RNF31: variants seen among roughly 807,000 people sequenced by gnomAD.
RNF31 encodes ring finger protein 31, also known as E3 ubiquitin-protein ligase RNF31.
RNF31 carries 38 observed loss-of-function variants against 133.6 expected under a neutral mutation model. The ratio of observed to expected loss-of-function variants is 0.28; its 90% CI spans 0.22 to 0.37. The LOEUF is 0.37. Among genes scored for constraint, RNF31 ranks in the 10% least tolerant of loss-of-function variants. RNF31 has a pLI of 1.00. For synonymous variants in RNF31, 582 were observed against 552.3 expected, an observed-to-expected ratio of 1.05 and a Z score of -0.75; for missense variants, 1,118 against 1,394.1, an observed-to-expected ratio of 0.80 and a Z score of 3.15.
chr14:24,151,614 C>T lies in RNF31; in HGVS notation c.1867C>T (p.Arg623Cys), dbSNP rs768324482. Reference protein sequence around the residue: ...QRQRLEPFRQRLWDSGPEPTP... With the variant: ...QRQRLEPFRQCLWDSGPEPTP... The stretch of plus-strand genomic sequence containing the variant: ...CCAACGCCTAGAGCCCTTCCGCCAG[C>T]GCCTCTGGGACAGTGGCCCTGAGCC... Residue 623 changes from arginine (R) to cysteine (C), a missense_variant, in exon 10 of 21, where the codon CGC becomes TGC. Transcript: ENST00000324103. The surrounding 1 kb of genome is among the most constrained non-coding windows in gnomAD (Gnocchi z 5.3). The T allele has an allele frequency of 6.8e-6, 11 of 1,613,436 alleles. No homozygotes were observed. Among genetic ancestry groups the T allele is most frequent in the African/African-American group, 4.0e-5 (3 of 74,940 alleles).
intron 6 of RNF31, 23 bp from the exon 7 acceptor site, chr14:24,150,037 GC>G (rs761731606): frequency 6.5e-7 from 1 of 1,534,418 alleles, no homozygotes; most frequent in Non-Finnish European, 8.8e-7. Flanking sequence ...ACTTCAGCAG[GC>G]CATGTCTGCT....
upstream of RNF31, chr14:24,147,431 C>G: frequency 5.9e-6 from 2 of 338,398 alleles, no homozygotes; most frequent in Non-Finnish European, 1.1e-5. Flanking sequence ...TTTCCTGACA[C>G]CGCTCCAACC....
Position 24,148,715 on chromosome 14 carries a change from G to A in RNF31, c.555+14G>A. 1.2e-6 allele frequency: 2 copies of A among 1,614,136 alleles called. No homozygotes were observed. Among genetic ancestry groups the A allele is most frequent in the Non-Finnish European group, 1.7e-6 (2 of 1,179,970 alleles). On this transcript the variant is annotated intron_variant, in intron 4 of 20. Transcript: ENST00000324103. Reference sequence around the variant, plus strand: ...GTTGAAGATGATGTAAGGAAGGCAGGAAAGGGGCTGGTGTACAAAGGAAAC... The same window carrying A: ...GTTGAAGATGATGTAAGGAAGGCAGAAAAGGGGCTGGTGTACAAAGGAAAC...
Position 24,151,270 on chromosome 14 carries a change from AC to A in RNF31, c.1631del (p.Pro544LeufsTer30). 1 of 1,614,128 alleles carries A rather than the reference AC, an allele frequency of 6.2e-7. No individual in the cohort carries two copies. Among genetic ancestry groups the A allele is most frequent in the Non-Finnish European group, 8.5e-7 (1 of 1,180,016 alleles). ...EMVAELAGQQ[D>X]PGLGAFSCQE... ...GTGGCTGAGCTGGCTGGACAGCAGG[AC>A]CCTGGGCTGGGTGCCTTTTCCTGTC... On this transcript the variant is annotated frameshift_variant, in exon 9 of 21. Transcript: ENST00000324103. LOFTEE classifies it high-confidence loss of function. The surrounding 1 kb of genome is among the most constrained non-coding windows in gnomAD (Gnocchi z 5.3).
Position 24,148,846 on chromosome 14 carries a change from C to T in RNF31, c.601C>T (p.Pro201Ser), listed in dbSNP as rs762978472. ...TGACCCCCTATTGAGAGAGATTGCT[C>T]CTGGCCCCCTCACCACACCCTCTGT... ...EFDPLLREIA[P>S]GPLTTPSVPG... Residue 201 changes from proline (P) to serine (S), a missense_variant, in exon 5 of 21, where the codon CCT (proline) becomes TCT (serine). By Grantham distance (74) the Pro-to-Ser change is moderately conservative. Around this residue, in one of 3 missense-constraint regions of RNF31, gnomAD observed 747 missense variants for 827.9 expected, o/e 0.90. Transcript: ENST00000324103. The T allele has an allele frequency of 1.2e-6, 2 of 1,614,076 alleles. No homozygotes were observed. Among genetic ancestry groups the T allele is most frequent in the Non-Finnish European group, 1.7e-6 (2 of 1,180,022 alleles).
At position 24,151,186 on chromosome 14, in the gene RNF31, C is replaced by T. The variant is rs188536177; in HGVS notation, c.1544C>T (p.Ser515Leu). 5.6e-6 allele frequency: 9 copies of T among 1,614,138 alleles called. No individual in the cohort carries two copies. The highest frequency in any genetic ancestry group is 1.1e-5 in the South Asian group (1 of 91,090). ...GAGATCTTCTCGGCTCTGCAGTACT[C>T]GGGCACTGAGGTGCCTCTGCAGTGG... Reference protein sequence around the residue: ...PEEIFSALQYSGTEVPLQWLR... With the variant: ...PEEIFSALQYLGTEVPLQWLR... The change falls in exon 9 of 21, where the codon TCG (serine) becomes TTG (leucine). Residue 515 changes from serine to leucine, a missense_variant. By Grantham distance (145) the Ser-to-Leu change is moderately radical. Transcript: ENST00000324103. The surrounding 1 kb of genome is among the most constrained non-coding windows in gnomAD (Gnocchi z 5.3).
Position 24,155,264 on chromosome 14 carries a change from C to G in RNF31, c.2238C>G (p.Ala746=), listed in dbSNP as rs2038325113. The part of the protein sequence containing the change: ...EKHITDMVCP[A]CGRPDLTDDT... ...ACATCACAGACATGGTGTGCCCTGC[C>G]TGTGGCCGCCCCGACCTCACCGATG... The change falls in exon 12 of 21, where the codon GCC becomes GCG. Residue 746 remains alanine, a synonymous_variant. Transcript: ENST00000324103. This position sits in a 1 kb window ranked among gnomAD's most constrained non-coding sequence, Gnocchi z 4.9. 2 of 1,614,150 alleles carry G rather than the reference C, an allele frequency of 1.2e-6. No individual in the cohort carries two copies. The highest frequency in any genetic ancestry group is 1.3e-5 in the African/African-American group (1 of 75,008).
At chr14:24,149,880 G>A (rs955953039) in intron 6 of RNF31, among the ~76,000 whole-genome samples, 181 bp from the exon 7 acceptor site, 1 of 152,188 alleles carries the variant, frequency 6.6e-6, no homozygotes, top group African/African-American at 2.4e-5. Context: ...CTAGGAAGAA[G>A]TGAGCTTTAA....
Position 24,151,843 on chromosome 14 carries a change from C to G in RNF31, c.1981C>G (p.Leu661Val), listed in dbSNP as rs374082703. The G allele has an allele frequency of 1.2e-6, 2 of 1,614,044 alleles. No homozygotes were observed. Among genetic ancestry groups the G allele is most frequent in the East Asian group, 2.2e-5 (1 of 44,880 alleles). Residue 661 changes from leucine (L) to valine (V), a missense_variant, in exon 11 of 21, where the codon CTG (leucine) becomes GTG (valine). Physicochemically the swap from Leu to Val is conservative, Grantham distance 32 (BLOSUM62 1). This residue lies in a region of RNF31 where 201 missense variants were observed against 371.7 expected (regional missense o/e 0.54). Coordinates refer to ENST00000324103, the MANE Select transcript of RNF31 (RefSeq NM_017999.5). The surrounding 1 kb of genome is among the most constrained non-coding windows in gnomAD (Gnocchi z 5.3). ...ACTCCCCAGCTGGGGCCGGGCAGAG[C>G]TGGCACTGTCACTGCTGCAGGAGAC... is the stretch of plus-strand genomic sequence containing the variant. ...YALPSWGRAE[L>V]ALSLLQETPR...
Position 24,148,986 on chromosome 14 carries a change from G to C in RNF31, c.631+110G>C, listed in dbSNP as rs569834236. On this transcript the variant is annotated intron_variant, in intron 5 of 20. Transcript: ENST00000324103. ...CCTTTGTGTTTGTTTGTTTTGAGAC[G>C]GAGTTTTGCTCTTGTTGCCCAGGCT... is the stretch of plus-strand genomic sequence containing the variant. 138 of 1,059,132 alleles carry C rather than the reference G, an allele frequency of 1.3e-4. 1 individual carries two copies. In the African/African-American group the frequency reaches 1.9e-3, roughly 15 times the overall value. The allele number at this position is 1,059,132 out of a possible 1,614,324, so 65.6% of individuals were successfully genotyped here.
chr14:24,150,940 A>G, intron 8 of RNF31, 52 bp downstream of exon 8: 1 of 1,527,370 alleles, frequency 6.5e-7, no homozygotes, highest in Non-Finnish European at 8.8e-7. Context: ...GGGAAAGGAG[A>G]TGCTGCAGGT....
chr14:24,156,989 G>A (rs536603051), intron 14 of RNF31, among the ~76,000 whole-genome samples: 1 of 152,098 alleles, frequency 6.6e-6, no homozygotes, highest in African/African-American at 2.4e-5. Context: ...ACTAGTAACC[G>A]AGGCAAGCAA....
At position 24,147,778 on chromosome 14, in the gene RNF31, A is replaced by G; in HGVS notation, c.80A>G (p.Gln27Arg). 3.8e-6 allele frequency: 6 copies of G among 1,583,136 alleles called. No individual in the cohort carries two copies. The highest frequency in any genetic ancestry group is 5.1e-6 in the Non-Finnish European group (6 of 1,167,470). ...LASALRRDSG[Q>R]AFSLEQLRPL... ...AGCGCCCTGAGGAGGGATTCCGGGC[A>G]GGCGTTTTCCCTGGAGCAGCTCCGG... The change falls in exon 1 of 21, where the codon CAG (glutamine) becomes CGG (arginine). Residue 27 changes from glutamine (Q) to arginine (R), a missense_variant. Gln to Arg is a conservative substitution (Grantham distance 43). Transcript: ENST00000324103.
chr14:24,149,910 A>G (rs2038236816), intron 6 of RNF31, 151 bp from the exon 7 acceptor site: 2 of 955,096 alleles, frequency 2.1e-6, no homozygotes, highest in East Asian at 2.5e-5. Context: ...TAAATGTTGC[A>G]TAAGCTATGG....
chr14:24,148,107 G>T lies in RNF31; in HGVS notation c.324G>T (p.Thr108=). The T allele has an allele frequency of 6.2e-7, 1 of 1,614,186 alleles. No individual in the cohort carries two copies. The highest frequency in any genetic ancestry group is 8.5e-7 in the Non-Finnish European group (1 of 1,180,030). The change falls in exon 2 of 21, where the codon ACG becomes ACT. Residue 108 remains threonine, a synonymous_variant. Transcript: ENST00000324103. ...TTAATAACCCTGTCTTTCGCAGCAC[G>T]GTGGATGCTGTGCAGGTGAATCCCC... ...VKFNNPVFRS[T]VDAVQGGRDV... is the part of the protein sequence containing the mutation.
Position 24,147,686 on chromosome 14 carries a change from C to A in RNF31, c.-13C>A. ...TGGCGGGCGGCGAGGCTGGGGCTGA[C>A]TCCTGCCTCAGGATGCCGGGGGAGG... On this transcript the variant is annotated 5_prime_UTR_variant, in exon 1 of 21. Transcript: ENST00000324103. 1 of 1,482,488 alleles carries A rather than the reference C, an allele frequency of 6.7e-7. No individual in the cohort carries two copies. 91.8% of individuals were successfully genotyped at this position (1,482,488 alleles called of 1,614,324 possible).
rs771175940 is a variant in RNF31, at chr14:24,155,446, G to T, written c.2337G>T (p.Ala779=). ...LRESLEPDAY[A]LFHKKLTEGV... The stretch of plus-strand genomic sequence containing the variant: ...AGAGCCTAGAGCCAGATGCCTATGC[G>T]TTGTTCCATAAGAAGCTGACCGAGG... The change falls in exon 13 of 21, where the codon GCG becomes GCT. Residue 779 remains alanine, a synonymous_variant. Transcript: ENST00000324103. This position sits in a 1 kb window ranked among gnomAD's most constrained non-coding sequence, Gnocchi z 4.9. 3 of 1,614,182 alleles carry T rather than the reference G, an allele frequency of 1.9e-6. No homozygotes were observed. The highest frequency in any genetic ancestry group is 2.5e-6 in the Non-Finnish European group (3 of 1,180,040).
At chr14:24,154,542 T>C (rs974839545) in intron 11 of RNF31, among the ~76,000 whole-genome samples, 3 of 152,178 alleles carry the variant, frequency 2.0e-5, no homozygotes, top group African/African-American at 7.2e-5. Flanking sequence ...CTTCCCAAAG[T>C]ACTGGGATTA....
chr14:24,153,901 C>T (rs1355877561), intron 11 of RNF31, among the ~76,000 whole-genome samples: 1 of 151,982 alleles, frequency 6.6e-6, no homozygotes, highest in Non-Finnish European at 1.5e-5. Context: ...GAGACTCTGT[C>T]TCAAAATAAA....
Sources: gnomAD v4.1 joint callset for allele counts (sites outside exome capture counted in the v4.1 genomes callset) on GRCh38, gnomAD v4.1.1 for gene constraint, gnomAD v4.1.1 regional missense constraint, Gnocchi (gnomAD v3.1) non-coding constraint, MANE v1.5 for transcripts, NCBI Gene and HGNC (gene_info 2026-07-23, HGNC 2026-07-21) for gene names.